The following ABCA13 variants were observed in gnomAD, a reference collection of about 807,000 sequenced individuals.
The protein encoded by ABCA13 is ATP binding cassette subfamily A member 13.
Under a neutral mutation model 478.7 loss-of-function variants are expected in ABCA13, and 476 were observed. The ratio of observed to expected loss-of-function variants is 0.99; its 90% CI spans 0.92 to 1.07. The LOEUF (loss-of-function observed/expected upper bound fraction) is 1.07. Among genes scored for constraint, ABCA13 ranks in the 50% least tolerant of loss-of-function variants. The probability of loss-of-function intolerance (pLI) is 0.00; values close to 1 mark genes in which losing one functional copy is unlikely to be tolerated. For synonymous variants in ABCA13, 2,252 were observed against 2,158.9 expected, an observed-to-expected ratio of 1.04 and a Z score of -1.20; for missense variants, 6,060 against 5,910.6, an observed-to-expected ratio of 1.03 and a Z score of -0.83.
At chr7:48,394,505 G>A (rs1816550512) in intron 38 of ABCA13, among the ~76,000 whole-genome samples, 1 of 152,124 alleles carries the variant, frequency 6.6e-6, no homozygotes, top group South Asian at 2.1e-4. Flanking sequence ...ACTCTCCTGA[G>A]TCCCCTCTAT....
At chr7:48,286,420 A>T (rs1272133944) in intron 19 of ABCA13, among the ~76,000 whole-genome samples, 1 of 152,168 alleles carries the variant, frequency 6.6e-6, no homozygotes, top group East Asian at 1.9e-4. Flanking sequence ...TTGAGTTGAA[A>T]TCATACAATA....
At chr7:48,616,618 GA>G (rs1397395567) in intron 59 of ABCA13, among the ~76,000 whole-genome samples, 1 of 152,180 alleles carries the variant, frequency 6.6e-6, no homozygotes, top group Non-Finnish European at 1.5e-5. Context: ...CCCATAATGT[GA>G]TATATGGGTT....
At chr7:48,491,943 AG>A (rs901490284) in intron 48 of ABCA13, among the ~76,000 whole-genome samples, 3 of 152,188 alleles carry the variant, frequency 2.0e-5, no homozygotes, top group African/African-American at 7.2e-5. Context: ...CACCAGGCTC[AG>A]GGGACATTCA....
At chr7:48,612,256 C>T (rs765695097) in intron 58 of ABCA13, 1 of 152,188 alleles carries the variant, frequency 6.6e-6, no homozygotes, top group Admixed American at 6.5e-5. Flanking sequence ...TTCCATTGAG[C>T]TGAGTTTGTT....
chr7:48,173,007 C>T (rs1436821534), intron 1 of ABCA13, among the ~76,000 whole-genome samples: 2 of 151,920 alleles, frequency 1.3e-5, no homozygotes, highest in African/African-American at 4.8e-5. Flanking sequence ...AAGTTGGTTC[C>T]CAGGCACTGC....
At chr7:48,430,625 G>T (rs1480024280) in intron 42 of ABCA13, among the ~76,000 whole-genome samples, 1 of 143,994 alleles carries the variant, frequency 6.9e-6, no homozygotes, top group East Asian at 2.1e-4. Context: ...AGTGAGCTGA[G>T]ATTGTGCCAC....
chr7:48,320,709 T>C (rs1468946759), intron 27 of ABCA13, among the ~76,000 whole-genome samples: 1 of 152,182 alleles, frequency 6.6e-6, no homozygotes, highest in Non-Finnish European at 1.5e-5. Context: ...ATGCCTGAAA[T>C]GATACTTCAG....
chr7:48,625,315 A>G (rs1326813403), intron 59 of ABCA13, among the ~76,000 whole-genome samples: 2 of 152,234 alleles, frequency 1.3e-5, no homozygotes, highest in African/African-American at 2.4e-5. Context: ...AGTGAAATAG[A>G]TAATTCAGTA....
At chr7:48,541,793 T>C (rs965174634) in intron 55 of ABCA13, among the ~76,000 whole-genome samples, 3 of 146,860 alleles carry the variant, frequency 2.0e-5, no homozygotes, top group Non-Finnish European at 4.6e-5. Flanking sequence ...ATATATATAT[T>C]TTAAAAGGAA....
intron 15 of ABCA13, among the ~76,000 whole-genome samples, chr7:48,268,034 C>A (rs1276153382): frequency 1.3e-5 from 2 of 152,170 alleles, no homozygotes; most frequent in South Asian, 2.1e-4. Flanking sequence ...AAGCAAGACC[C>A]CTTTTTTGTA....
intron 15 of ABCA13, among the ~76,000 whole-genome samples, chr7:48,268,306 AC>A (rs1167815981): frequency 6.6e-6 from 1 of 151,838 alleles, no homozygotes; most frequent in African/African-American, 2.4e-5. Context: ...ACAGGCGCCC[AC>A]CACCACACCC....
intron 51 of ABCA13, 21 bp downstream of exon 51, chr7:48,511,220 C>T (rs1239412685): frequency 1.4e-5 from 22 of 1,581,186 alleles, no homozygotes; most frequent in Non-Finnish European, 1.8e-5. Context: ...AGAAACGCTG[C>T]TGCAGAATTA....
intron 39 of ABCA13, among the ~76,000 whole-genome samples, chr7:48,407,613 A>G (rs996282955): frequency 1.3e-4 from 20 of 152,004 alleles, no homozygotes; most frequent in African/African-American, 2.9e-4. Flanking sequence ...CTGGAGCCCA[A>G]TGGTGCAATC....
intron 15 of ABCA13, among the ~76,000 whole-genome samples, chr7:48,250,050 C>A (rs1047468314): frequency 6.6e-6 from 1 of 151,972 alleles, no homozygotes; most frequent in Non-Finnish European, 1.5e-5. Flanking sequence ...ATGAACCCCT[C>A]GTTGTGTTCA....
intron 48 of ABCA13, among the ~76,000 whole-genome samples, chr7:48,503,194 C>T (rs56232183): frequency 0.14 from 20,873 of 152,060 alleles, 1,835 homozygotes; most frequent in African/African-American, 0.23. Flanking sequence ...TCAAGCAGTC[C>T]TCCCACCTCA....
intron 58 of ABCA13, among the ~76,000 whole-genome samples, chr7:48,607,537 G>A (rs1307686426): frequency 6.6e-6 from 1 of 152,134 alleles, no homozygotes; most frequent in African/African-American, 2.4e-5. Flanking sequence ...GTTTTCGTTA[G>A]TTCTTTGATG....
intron 42 of ABCA13, among the ~76,000 whole-genome samples, chr7:48,432,267 G>A (rs1017650075): frequency 6.6e-5 from 10 of 152,036 alleles, no homozygotes; most frequent in Non-Finnish European, 1.3e-4. Context: ...AAACCACAAT[G>A]AGATATAACC....
intron 27 of ABCA13, among the ~76,000 whole-genome samples, chr7:48,324,735 G>A (rs1804052139): frequency 6.6e-6 from 1 of 152,286 alleles, no homozygotes; most frequent in Non-Finnish European, 1.5e-5. Context: ...CTGTCCTCGG[G>A]ACCTATATGA....
chr7:48,381,242 T>G (rs7799036), intron 35 of ABCA13, among the ~76,000 whole-genome samples: 29,655 of 151,924 alleles, frequency 0.2, 3,176 homozygotes, highest in Middle Eastern at 0.3. Flanking sequence ...TGAGTAATAA[T>G]AAAATCTATA....
Sources: allele counts gnomAD v4.1 joint callset (sites outside exome capture counted in the v4.1 genomes callset), GRCh38; gene constraint gnomAD v4.1.1; transcripts MANE v1.5; gene names NCBI Gene and HGNC (gene_info 2026-07-23, HGNC 2026-07-21).